Variants in PPARGC1A observed in about 807,000 individuals in gnomAD.
The protein encoded by PPARGC1A is PPARG coactivator 1 alpha.
In PPARGC1A, 25 loss-of-function variants were observed where a neutral mutation model predicts 88.7. The ratio of observed to expected loss-of-function variants is 0.28; its 90% CI spans 0.21 to 0.39. The LOEUF is 0.39. PPARGC1A is among the 10% of genes least tolerant of loss of function. The probability of loss-of-function intolerance (pLI) is 1.00; values close to 1 mark genes in which losing one functional copy is unlikely to be tolerated. For synonymous variants in PPARGC1A, 363 were observed against 355.6 expected (o/e 1.02, Z -0.24); for missense variants, 880 against 968.7 (o/e 0.91, Z 1.22).
chr4:24,073,108 C>A, the PPARGC1A span, among the ~76,000 whole-genome samples: 2,186 of 152,244 alleles, frequency 0.014, 52 homozygotes, highest in African/African-American at 0.05. Flanking sequence ...GTGGCACGAT[C>A]TCAGTTCACT....
chr4:23,980,133 A>T, the PPARGC1A span, among the ~76,000 whole-genome samples: 33 of 141,758 alleles, frequency 2.3e-4, no homozygotes, highest in African/African-American at 7.9e-4. Context: ...TTCTGTTTTG[A>T]TTAATTTAGA....
chr4:23,804,591 A>G (rs1719422776), intron 10 of PPARGC1A, among the ~76,000 whole-genome samples: 1 of 152,314 alleles, frequency 6.6e-6, no homozygotes, highest in Non-Finnish European at 1.5e-5. Flanking sequence ...ATAACTTTTA[A>G]TGAAAGACCT....
At chr4:24,129,364 G>A in the PPARGC1A span, among the ~76,000 whole-genome samples, 1 of 152,130 alleles carries the variant, frequency 6.6e-6, no homozygotes, top group African/African-American at 2.4e-5. Context: ...GTTCCATAGG[G>A]CTAGGATTAA....
chr4:24,080,288 A>G, the PPARGC1A span, among the ~76,000 whole-genome samples: 1 of 151,948 alleles, frequency 6.6e-6, no homozygotes, highest in Non-Finnish European at 1.5e-5. Context: ...TTATTTCTGG[A>G]TATTTTATGT....
chr4:23,858,140 T>C (rs1730540911), intron 2 of PPARGC1A, among the ~76,000 whole-genome samples: 1 of 152,106 alleles, frequency 6.6e-6, no homozygotes, highest in Non-Finnish European at 1.5e-5. Flanking sequence ...CAAAAGCTAT[T>C]ACTTCCAGGA....
At chr4:24,042,224 G>T in the PPARGC1A span, among the ~76,000 whole-genome samples, 3 of 152,154 alleles carry the variant, frequency 2.0e-5, no homozygotes, top group African/African-American at 7.2e-5. Flanking sequence ...ATGCCAATAT[G>T]TATTCAGCTG....
the PPARGC1A span, among the ~76,000 whole-genome samples, chr4:24,433,256 A>G: frequency 6.6e-6 from 1 of 152,138 alleles, no homozygotes; most frequent in Non-Finnish European, 1.5e-5. Flanking sequence ...AACATTTCCA[A>G]CCACTGTCCC....
At chr4:24,185,933 T>C in the PPARGC1A span, among the ~76,000 whole-genome samples, 1 of 151,818 alleles carries the variant, frequency 6.6e-6, no homozygotes, top group African/African-American at 2.4e-5. Context: ...ATTATATGTA[T>C]GAAGAATCAT....
the PPARGC1A span, among the ~76,000 whole-genome samples, chr4:24,123,793 T>C: frequency 4.0e-5 from 6 of 151,646 alleles, no homozygotes; most frequent in African/African-American, 1.5e-4. Context: ...TTTGCTGGAG[T>C]AGCATTGCTC....
the PPARGC1A span, among the ~76,000 whole-genome samples, chr4:24,352,222 G>C: frequency 1.3e-5 from 2 of 152,126 alleles, no homozygotes; most frequent in African/African-American, 2.4e-5. Context: ...GGGAGGGGAA[G>C]AGGGCTTTGA....
the PPARGC1A span, among the ~76,000 whole-genome samples, chr4:23,921,374 T>C: frequency 2.6e-5 from 4 of 152,160 alleles, no homozygotes; most frequent in East Asian, 1.9e-4. Context: ...CAAAGAGAAA[T>C]GCATGTGGGT....
chr4:24,156,218 A>T, the PPARGC1A span, among the ~76,000 whole-genome samples: 4 of 152,286 alleles, frequency 2.6e-5, no homozygotes, highest in African/African-American at 9.6e-5. Flanking sequence ...GATATATAAC[A>T]CAGGCTTCAA....
the PPARGC1A span, among the ~76,000 whole-genome samples, chr4:24,053,886 G>A: frequency 6.6e-6 from 1 of 152,104 alleles, no homozygotes; most frequent in South Asian, 2.1e-4. Flanking sequence ...TAAATCTAAG[G>A]CTTGCTCCTT....
chr4:24,365,009 C>T, the PPARGC1A span, among the ~76,000 whole-genome samples: 12 of 152,156 alleles, frequency 7.9e-5, no homozygotes, highest in East Asian at 7.7e-4. Context: ...ACAGAGAAGG[C>T]GCCTTTTGTA....
At chr4:24,368,622 A>G in the PPARGC1A span, among the ~76,000 whole-genome samples, 7 of 152,166 alleles carry the variant, frequency 4.6e-5, no homozygotes, top group Non-Finnish European at 5.9e-5. Context: ...ACATTATTCT[A>G]TACATTTGTA....
chr4:24,195,259 A>C, the PPARGC1A span, among the ~76,000 whole-genome samples: 8 of 152,268 alleles, frequency 5.3e-5, no homozygotes, highest in South Asian at 1.7e-3. Flanking sequence ...AAGAATAATT[A>C]TTTCACCCAT....
chr4:24,012,057 T>C, the PPARGC1A span, among the ~76,000 whole-genome samples: 1 of 152,156 alleles, frequency 6.6e-6, no homozygotes, highest in Non-Finnish European at 1.5e-5. Context: ...ACTTGTATAC[T>C]CCCGGCCTCC....
chr4:23,806,508 TA>T (rs1287731406), intron 10 of PPARGC1A, among the ~76,000 whole-genome samples: 1 of 152,236 alleles, frequency 6.6e-6, no homozygotes, highest in African/African-American at 2.4e-5. Flanking sequence ...GGAGGAACTC[TA>T]AACCTTTGGA....
chr4:24,161,473 G>A, the PPARGC1A span, among the ~76,000 whole-genome samples: 1 of 152,088 alleles, frequency 6.6e-6, no homozygotes, highest in Non-Finnish European at 1.5e-5. Context: ...CCGATAAGAG[G>A]CCACTTAACT....
Sources: allele counts gnomAD v4.1 joint callset (sites outside exome capture counted in the v4.1 genomes callset), GRCh38; gene constraint gnomAD v4.1.1; transcripts MANE v1.5; gene names NCBI Gene and HGNC (gene_info 2026-07-23, HGNC 2026-07-21).